Variants in SENP6 observed in about 807,000 individuals in gnomAD.
The protein encoded by SENP6 is sentrin-specific protease 6.
SENP6 carries 41 observed loss-of-function variants against 134.5 expected under a neutral mutation model. The observed-to-expected ratio is 0.30, with a 90% CI of 0.24 to 0.40. The LOEUF (loss-of-function observed/expected upper bound fraction) is 0.40, where lower values mean the gene tolerates loss of function less well. Among genes scored for constraint, SENP6 ranks in the 10% least tolerant of loss-of-function variants. SENP6 has a pLI of 1.00. For missense variants in SENP6, 1,248 were observed against 1,312.5 expected (o/e 0.95, Z 0.76); for synonymous variants, 395 against 429.8 (o/e 0.92, Z 1.00).
intron 6 of SENP6, chr6:75,644,203 TA>T (rs1770246091): frequency 6.9e-6 from 1 of 144,732 alleles, no homozygotes; most frequent in African/African-American, 2.6e-5. Flanking sequence ...TTTATCACAG[TA>T]AAAAAGAAAA....
At chr6:75,622,815 G>C (rs1032512529) in intron 2 of SENP6, 1 of 1,288,904 alleles carries the variant, frequency 7.8e-7, no homozygotes, top group African/African-American at 1.5e-5. Context: ...CTTCACCGAT[G>C]AGATGTTGAT....
intron 11 of SENP6, among the ~76,000 whole-genome samples, chr6:75,673,056 T>G (rs921956376): frequency 1.3e-5 from 2 of 152,186 alleles, no homozygotes; most frequent in Non-Finnish European, 2.9e-5. Context: ...CTCGATCTCT[T>G]GACCTTGTGA....
At chr6:75,667,555 A>C (rs943239908) in intron 10 of SENP6, among the ~76,000 whole-genome samples, 3 of 152,240 alleles carry the variant, frequency 2.0e-5, no homozygotes, top group African/African-American at 7.2e-5. Flanking sequence ...GGACTTTAAA[A>C]ATTGTTAAAA....
At chr6:75,656,213 C>CA (rs5877459) in intron 7 of SENP6, among the ~76,000 whole-genome samples, 14 of 108,746 alleles carry the variant, frequency 1.3e-4, no homozygotes, top group African/African-American at 4.1e-4. Context: ...GACTCCGTCT[C>CA]AAAAAAAAAA....
At chr6:75,657,945 C>T (rs755778664) in intron 7 of SENP6, among the ~76,000 whole-genome samples, 1 of 152,082 alleles carries the variant, frequency 6.6e-6, no homozygotes, top group Non-Finnish European at 1.5e-5. Flanking sequence ...ACAGGAACTT[C>T]TGCTTGCCAA....
chr6:75,713,602 G>A (rs768361216), intron 22 of SENP6, 21 bp downstream of exon 22: 20 of 1,607,854 alleles, frequency 1.2e-5, no homozygotes, highest in Admixed American at 6.7e-5. Flanking sequence ...ACTTTATTTC[G>A]TATTCTGATG....
intron 1 of SENP6, among the ~76,000 whole-genome samples, 189 bp downstream of exon 1, chr6:75,602,765 C>T (rs1385185721): frequency 6.6e-5 from 10 of 152,068 alleles, no homozygotes; most frequent in Admixed American, 6.5e-4. Context: ...GCGAGGGGCT[C>T]GGCTGCGAGC....
chr6:75,713,611 TG>T, intron 22 of SENP6, 30 bp downstream of exon 22: 3 of 1,605,106 alleles, frequency 1.9e-6, no homozygotes, highest in Non-Finnish European at 2.6e-6. Flanking sequence ...CGTATTCTGA[TG>T]GGGATGAAGA....
intron 16 of SENP6, among the ~76,000 whole-genome samples, chr6:75,682,544 A>G (rs1773537587): frequency 1.3e-5 from 2 of 151,918 alleles, no homozygotes; most frequent in Admixed American, 6.6e-5. Context: ...TCCTAATGCT[A>G]TCCCTCCCCC....
chr6:75,684,010 T>A (rs897347211), intron 16 of SENP6, among the ~76,000 whole-genome samples: 3 of 152,218 alleles, frequency 2.0e-5, no homozygotes, highest in Non-Finnish European at 4.4e-5. Context: ...TTCATGATAT[T>A]GATTCTTCCT....
Position 75,697,509 on chromosome 6 carries a change from T to A in SENP6, c.2280T>A (p.Leu760=), listed in dbSNP as rs2149895976. The A allele has an allele frequency of 6.2e-7, 1 of 1,607,966 alleles. No homozygotes were observed. Among genetic ancestry groups the A allele is most frequent in the South Asian group, 1.1e-5 (1 of 90,394 alleles). The change falls in exon 18 of 24, where the codon CTT becomes CTA. Residue 760 remains leucine, a synonymous_variant. Coordinates refer to ENST00000447266, the MANE Select transcript of SENP6 (RefSeq NM_015571.4). The stretch of plus-strand genomic sequence containing the variant: ...AGAAGGATTTTATTTTTGTACCCCT[T>A]AATGAAGCGTGAGTAAGAATTTCCT... ...IFEKDFIFVP[L]NEAAHWFLAV... is the part of the protein sequence containing the mutation.
chr6:75,629,151 A>G (rs1205410520), intron 3 of SENP6, among the ~76,000 whole-genome samples: 2 of 152,258 alleles, frequency 1.3e-5, no homozygotes, highest in African/African-American at 4.8e-5. Context: ...ATACTAAAAA[A>G]GCTTTACCAA....
intron 16 of SENP6, 35 bp from the exon 17 acceptor site, chr6:75,695,769 C>A: frequency 2.7e-6 from 4 of 1,487,810 alleles, no homozygotes; most frequent in Admixed American, 4.2e-5. Context: ...TGAACTGTTA[C>A]ATTAATTATA....
chr6:75,609,305 T>C (rs1767266933), intron 1 of SENP6, among the ~76,000 whole-genome samples: 1 of 152,178 alleles, frequency 6.6e-6, no homozygotes, highest in Non-Finnish European at 1.5e-5. Context: ...GGAAAAATAA[T>C]AAGTTATTAT....
intron 9 of SENP6, among the ~76,000 whole-genome samples, chr6:75,665,523 A>G (rs2647414): frequency 0.034 from 5,120 of 152,280 alleles, 290 homozygotes; most frequent in African/African-American, 0.12. Flanking sequence ...TTTGACTCAA[A>G]TACAATGTGA....
rs1769374355 is a variant in SENP6, at chr6:75,634,754, G to A, written c.401G>A (p.Gly134Asp). The change falls in exon 5 of 24, where the codon GGT becomes GAT. Residue 134 changes from glycine (G) to aspartate (D), a missense_variant. This residue lies in a region of SENP6 where 733 missense variants were observed against 725.4 expected (regional missense o/e 1.01). Coordinates refer to ENST00000447266, the MANE Select transcript of SENP6 (RefSeq NM_015571.4). ...TSLCSGTVVH[G>D]RRFHHAHAQI... ...TTATGTTCTGGAACTGTAGTTCATG[G>A]TAGACGTTTTCATCATGCTCATGCA... The A allele has an allele frequency of 9.4e-6, 15 of 1,596,294 alleles. No individual in the cohort carries two copies. The highest frequency in any genetic ancestry group is 1.3e-5 in the Non-Finnish European group (15 of 1,176,200).
chr6:75,707,186 G>T (rs1253900104), intron 19 of SENP6, among the ~76,000 whole-genome samples: 1 of 152,130 alleles, frequency 6.6e-6, no homozygotes, highest in African/African-American at 2.4e-5. Flanking sequence ...CATAGATAAT[G>T]ATTTGCTGCT....
chr6:75,674,170 T>TAA (rs144157747), intron 11 of SENP6, among the ~76,000 whole-genome samples: 64 of 109,564 alleles, frequency 5.8e-4, no homozygotes, highest in African/African-American at 1.5e-3. Flanking sequence ...TTTTTTTTTT[T>TAA]AAAAACGATA....
chr6:75,671,866 T>A (rs1293490591), intron 11 of SENP6, among the ~76,000 whole-genome samples: 1 of 152,158 alleles, frequency 6.6e-6, no homozygotes, highest in Non-Finnish European at 1.5e-5. Flanking sequence ...AAAAAAATTG[T>A]TTATAGGAGA....
Sources: gnomAD v4.1 joint callset for allele counts (sites outside exome capture counted in the v4.1 genomes callset) on GRCh38, gnomAD v4.1.1 for gene constraint, gnomAD v4.1.1 regional missense constraint, MANE v1.5 for transcripts, NCBI Gene and HGNC (gene_info 2026-07-23, HGNC 2026-07-21) for gene names.